TBCK: variants seen among roughly 807,000 people sequenced by gnomAD.
TBCK encodes the protein TBC1 domain containing kinase, also known as TBC domain-containing protein kinase-like protein.
A neutral mutation model predicts 113.4 loss-of-function variants in TBCK; 99 were observed. The ratio of observed to expected loss-of-function variants is 0.87; its 90% CI spans 0.74 to 1.03. TBCK has a LOEUF of 1.03. Among genes scored for constraint, TBCK ranks in the 50% least tolerant of loss-of-function variants. The pLI, the probability that TBCK is intolerant of heterozygous loss-of-function variation, is 0.00. For missense variants in TBCK, 1,045 were observed against 1,061.3 expected (o/e 0.98, Z 0.21); for synonymous variants, 369 against 370.8 (o/e 1.00, Z 0.05).
intron 12 of TBCK, among the ~76,000 whole-genome samples, chr4:106,238,005 C>T (rs1479873863): frequency 6.6e-6 from 1 of 151,904 alleles, no homozygotes; most frequent in Admixed American, 6.6e-5. Flanking sequence ...TTTTAAGATT[C>T]AGCAAATTAA....
intron 2 of TBCK, 34 bp downstream of exon 2, chr4:106,308,734 G>A: frequency 4.5e-6 from 7 of 1,571,954 alleles, no homozygotes; most frequent in Middle Eastern, 3.4e-4. Flanking sequence ...ACAAAGTAGA[G>A]AACATAAATA....
intron 3 of TBCK, among the ~76,000 whole-genome samples, chr4:106,275,758 A>G (rs1229938033): frequency 6.6e-6 from 1 of 152,172 alleles, no homozygotes; most frequent in Non-Finnish European, 1.5e-5. Flanking sequence ...CACTGTTGAG[A>G]GATACTAAGG....
Position 106,231,949 on chromosome 4 carries a change from T to C in TBCK, c.1640-170A>G, listed in dbSNP as rs573531685. 1.1e-4 allele frequency among the ~76,000 whole-genome samples: 17 copies of C among 151,972 alleles called. 1 individual carries two copies. The South Asian group carries it at 1.2e-3, about 11-fold the overall frequency. ...AGTTACTGTGGGGAGTGAGTGATAG[T>C]GTAGCACACAGTATGTGTCCAATAT... is the stretch of plus-strand genomic sequence containing the variant. On this transcript the variant is annotated intron_variant, in intron 17 of 25. Transcript: ENST00000394708.
chr4:106,120,331 G>T (rs572353272), intron 23 of TBCK, among the ~76,000 whole-genome samples: 1 of 151,996 alleles, frequency 6.6e-6, no homozygotes, highest in Non-Finnish European at 1.5e-5. Flanking sequence ...ACAGAGTCTC[G>T]CTGATTGCTA....
chr4:106,303,641 A>C (rs1767192651), intron 2 of TBCK, among the ~76,000 whole-genome samples: 1 of 152,120 alleles, frequency 6.6e-6, no homozygotes, highest in South Asian at 2.1e-4. Flanking sequence ...CCATGATAGG[A>C]CTTAGGGTCA....
intron 23 of TBCK, among the ~76,000 whole-genome samples, chr4:106,156,528 T>A (rs544865446): frequency 6.6e-6 from 1 of 152,116 alleles, no homozygotes; most frequent in African/African-American, 2.4e-5. Context: ...TCAAAAACCT[T>A]AGAAGTGTGC....
chr4:106,236,766 C>T lies in TBCK; in HGVS notation c.1213G>A (p.Glu405Lys), dbSNP rs1248825250. 1 of 1,504,594 alleles carries T rather than the reference C, an allele frequency of 6.6e-7. No homozygotes were observed. Among genetic ancestry groups the T allele is most frequent in the Non-Finnish European group, 8.9e-7 (1 of 1,124,068 alleles). The allele number at this position is 1,504,594 out of a possible 1,614,324, so 93.2% of individuals were successfully genotyped here. A position where few individuals can be genotyped will look rare whatever the true frequency, so the allele number is the denominator to read the frequency against. Residue 405 changes from glutamate (E) to lysine (K), a missense_variant, in exon 13 of 26, where the codon GAA becomes AAA. By Grantham distance (56) the Glu-to-Lys change is moderately conservative (BLOSUM62 1). Transcript: ENST00000394708. Reference protein sequence around the residue: ...VGGEAFYPLLEDDQSNLPHSN... With the variant: ...VGGEAFYPLLKDDQSNLPHSN... The stretch of plus-strand genomic sequence containing the variant: ...GAGACTACATATACTCACTCATCTT[C>T]AAGTAATGGGTAAAATGCTTCTCCA...
At chr4:106,188,964 T>C (rs575070467) in intron 22 of TBCK, among the ~76,000 whole-genome samples, 42 of 152,074 alleles carry the variant, frequency 2.8e-4, no homozygotes, top group Admixed American at 5.2e-4. Context: ...GTTTTTAAAT[T>C]TTCCCCTTTT....
intron 22 of TBCK, among the ~76,000 whole-genome samples, chr4:106,178,684 A>AT (rs1751977022): frequency 6.6e-6 from 1 of 151,892 alleles, no homozygotes; most frequent in Non-Finnish European, 1.5e-5. Context: ...ATGGTGAATG[A>AT]TTTTTTTAAC....
At chr4:106,132,392 C>T (rs568910157) in intron 23 of TBCK, among the ~76,000 whole-genome samples, 1 of 152,374 alleles carries the variant, frequency 6.6e-6, no homozygotes, top group African/African-American at 2.4e-5. Context: ...AAGCCCCAAG[C>T]CTTGGTGGCT....
chr4:106,059,820 A>C (rs965014304), intron 25 of TBCK, among the ~76,000 whole-genome samples: 3 of 151,832 alleles, frequency 2.0e-5, no homozygotes, highest in African/African-American at 7.2e-5. Context: ...TGGGCCAAAC[A>C]GCCAAGTTGT....
chr4:106,297,703 G>A (rs576524566), intron 2 of TBCK: 1 of 152,136 alleles, frequency 6.6e-6, no homozygotes, highest in African/African-American at 2.4e-5. Flanking sequence ...CCTGCCTTAG[G>A]ACACTTACAC....
chr4:106,180,843 T>C (rs1025350084), intron 22 of TBCK, among the ~76,000 whole-genome samples: 1 of 152,294 alleles, frequency 6.6e-6, no homozygotes, highest in Non-Finnish European at 1.5e-5. Context: ...AATAAACGTA[T>C]GTGTGCATGT....
intron 20 of TBCK, among the ~76,000 whole-genome samples, chr4:106,198,901 T>C (rs539635946): frequency 5.1e-4 from 78 of 152,224 alleles, no homozygotes; most frequent in Non-Finnish European, 9.1e-4. Context: ...GGCAGCAAAG[T>C]TACAGGAGCT....
intron 25 of TBCK, among the ~76,000 whole-genome samples, chr4:106,048,150 T>C (rs1340164378): frequency 6.6e-6 from 1 of 152,114 alleles, no homozygotes; most frequent in African/African-American, 2.4e-5. Flanking sequence ...CTGTAGATGA[T>C]TCTAAAGCAG....
chr4:106,086,777 C>A (rs941196111), intron 25 of TBCK, among the ~76,000 whole-genome samples: 3 of 152,202 alleles, frequency 2.0e-5, no homozygotes, highest in African/African-American at 7.2e-5. Context: ...GCTGGCTCAA[C>A]AGATGCAAAT....
At position 106,308,820 on chromosome 4, in the gene TBCK, GGT is replaced by G. The variant is rs1376251385; in HGVS notation, c.139_140del (p.Thr47HisfsTer14). Reference protein sequence around the residue: ...KILGRFQILKTITHPRLCQYV... With the variant: ...KILGRFQILKXITHPRLCQYV... ...ACTGGCAGAGTCTGGGATGGGTGAT[GGT>G]TTTAAGGATTTGAAAGCGCCCTAAA... On this transcript the variant is annotated frameshift_variant, in exon 2 of 26. Transcript: ENST00000394708. LOFTEE classifies it high-confidence loss of function. 6.2e-7 allele frequency: 1 copy of G among 1,614,106 alleles called. No homozygotes were observed.
At chr4:106,122,057 A>C (rs1337063484) in intron 23 of TBCK, among the ~76,000 whole-genome samples, 1 of 152,198 alleles carries the variant, frequency 6.6e-6, no homozygotes, top group Non-Finnish European at 1.5e-5. Flanking sequence ...AGACAGAAAA[A>C]ACCCTTCAAA....
intron 22 of TBCK, among the ~76,000 whole-genome samples, chr4:106,175,433 G>A (rs1751548901): frequency 6.6e-6 from 1 of 150,812 alleles, no homozygotes; most frequent in South Asian, 2.1e-4. Context: ...TGGGGACATG[G>A]TTATTTTGTT....
Sources: gnomAD v4.1 joint callset for allele counts (sites outside exome capture counted in the v4.1 genomes callset) on GRCh38, gnomAD v4.1.1 for gene constraint, MANE v1.5 for transcripts, NCBI Gene and HGNC (gene_info 2026-07-23, HGNC 2026-07-21) for gene names.